The following NLK variants were observed in gnomAD, a reference collection of about 807,000 sequenced individuals.
NLK encodes the protein nemo like kinase, also known as serine/threonine-protein kinase NLK.
Under a neutral mutation model 59.0 loss-of-function variants are expected in NLK, and 11 were observed. The ratio of observed to expected loss-of-function variants is 0.19; its 90% CI spans 0.12 to 0.31. The LOEUF (loss-of-function observed/expected upper bound fraction) is 0.31, where lower values mean the gene tolerates loss of function less well. Ranked by LOEUF, NLK falls within the 10% of genes least tolerant of loss-of-function variation. The pLI is 1.00. For missense variants in NLK, 410 were observed against 661.1 expected (o/e 0.62, Z 4.16); for synonymous variants, 235 against 235.9 (o/e 1.00, Z 0.03).
At chr17:28,095,657 A>G (rs1252322360) in intron 1 of NLK, among the ~76,000 whole-genome samples, 1 of 152,204 alleles carries the variant, frequency 6.6e-6, no homozygotes, top group East Asian at 1.9e-4. Flanking sequence ...TACAATATAT[A>G]TATTTGAAAT....
chr17:28,061,340 A>G (rs1387947668), intron 1 of NLK, among the ~76,000 whole-genome samples: 2 of 152,234 alleles, frequency 1.3e-5, no homozygotes, highest in African/African-American at 4.8e-5. Context: ...GAACGAACCC[A>G]GAGATGATTT....
intron 1 of NLK, among the ~76,000 whole-genome samples, chr17:28,111,375 C>T (rs1181199622): frequency 1.3e-5 from 2 of 150,536 alleles, no homozygotes; most frequent in Non-Finnish European, 3.0e-5. Context: ...TTTTAGTAGA[C>T]ACAGGGTTTC....
At chr17:28,173,050 CA>C (rs1908528212) in intron 7 of NLK, among the ~76,000 whole-genome samples, 1 of 152,202 alleles carries the variant, frequency 6.6e-6, no homozygotes, top group African/African-American at 2.4e-5. Flanking sequence ...AACACAGAAT[CA>C]GATGTGAACG....
At chr17:28,078,248 G>T (rs1910233455) in intron 1 of NLK, among the ~76,000 whole-genome samples, 1 of 151,984 alleles carries the variant, frequency 6.6e-6, no homozygotes, top group African/African-American at 2.4e-5. Context: ...TTAATTATCA[G>T]AAGGTTTCCT....
Position 28,191,226 on chromosome 17 carries a change from A to G in NLK, c.1435+7A>G. ...TCTGTCCGACAGGTTAAAGGTGAGT[A>G]TCTGTTTTGGCCTTTGGCCAGGCAA... On this transcript the variant is annotated splice_region_variant and intron_variant, in intron 9 of 10. Coordinates refer to ENST00000407008, the MANE Select transcript of NLK (RefSeq NM_016231.5). The G allele has an allele frequency of 6.3e-7, 1 of 1,599,050 alleles. No individual in the cohort carries two copies. The highest frequency in any genetic ancestry group is 1.1e-5 in the South Asian group (1 of 88,276).
intron 3 of NLK, among the ~76,000 whole-genome samples, chr17:28,158,981 A>C (rs558741604): frequency 1.3e-5 from 2 of 152,232 alleles, no homozygotes; most frequent in Non-Finnish European, 2.9e-5. Flanking sequence ...ATCATCAACG[A>C]AACATCATTA....
At position 28,156,002 on chromosome 17, in the gene NLK, T is replaced by C. The variant is rs571977413; in HGVS notation, c.645-5158T>C. 9.8e-4 allele frequency among the ~76,000 whole-genome samples: 149 copies of C among 152,324 alleles called. 1 individual carries two copies. Among genetic ancestry groups the C allele is most frequent in the Admixed American group, 2.9e-3 (44 of 15,294 alleles). On this transcript the variant is annotated intron_variant, in intron 3 of 10. Coordinates refer to ENST00000407008, the MANE Select transcript of NLK (RefSeq NM_016231.5). ...CATGCACATTAGTTTCATCAAAATG[T>C]TCTAAATTCACCCAAAGAGGTAGAA...
At chr17:28,186,844 G>C (rs1049266998) in intron 8 of NLK, among the ~76,000 whole-genome samples, 1 of 152,180 alleles carries the variant, frequency 6.6e-6, no homozygotes, top group Admixed American at 6.5e-5. Flanking sequence ...TATGTGAAGT[G>C]CTTAGTGATA....
Position 28,115,594 on chromosome 17 carries a change from T to G in NLK, c.459-7009T>G, listed in dbSNP as rs72850130. 1.8e-3 allele frequency among the ~76,000 whole-genome samples: 268 copies of G among 152,328 alleles called. 1 individual carries two copies. Among genetic ancestry groups the G allele is most frequent in the Admixed American group, 5.1e-3 (78 of 15,306 alleles). ...GTAGAGCAATTTTTCAAAACCGACC[T>G]ATCCTTCTTCAAGTGTTTTAGCTGT... On this transcript the variant is annotated intron_variant, in intron 1 of 10. Coordinates refer to ENST00000407008, the MANE Select transcript of NLK (RefSeq NM_016231.5).
At chr17:28,060,983 G>A (rs539401165) in intron 1 of NLK, among the ~76,000 whole-genome samples, 1 of 152,236 alleles carries the variant, frequency 6.6e-6, no homozygotes, top group East Asian at 1.9e-4. Context: ...GTAGTAGAGT[G>A]GTCATCTTTG....
chr17:28,097,427 A>G (rs1413118294), intron 1 of NLK, among the ~76,000 whole-genome samples: 1 of 152,116 alleles, frequency 6.6e-6, no homozygotes, highest in Non-Finnish European at 1.5e-5. Context: ...TCTGCAGTCA[A>G]ACTTACATAT....
In NLK at chr17:28,191,121, C is replaced by T; in HGVS notation, c.1337C>T (p.Ser446Phe). The T allele has an allele frequency of 6.2e-7, 1 of 1,613,816 alleles. No homozygotes were observed. The highest frequency in any genetic ancestry group is 8.5e-7 in the Non-Finnish European group (1 of 1,179,724). ...TCMCKCCFST[S>F]TGRVYTSDFE... ...ATGTGTAAATGTTGCTTTTCCACCTCCACTGGAAGAGTTTATACCAGTGAC... is the reference window on the plus strand; with the variant it reads ...ATGTGTAAATGTTGCTTTTCCACCTTCACTGGAAGAGTTTATACCAGTGAC... Residue 446 changes from serine to phenylalanine, a missense_variant, in exon 9 of 11, where the codon TCC (serine) becomes TTC (phenylalanine). By Grantham distance (155) the Ser-to-Phe change is radical. Transcript: ENST00000407008.
chr17:28,079,632 G>T (rs368712826), intron 1 of NLK, among the ~76,000 whole-genome samples: 1 of 152,098 alleles, frequency 6.6e-6, no homozygotes, highest in East Asian at 1.9e-4. Flanking sequence ...CTTTTCATAT[G>T]CTTGTTGGCC....
At chr17:28,109,121 A>G (rs1454046725) in intron 1 of NLK, among the ~76,000 whole-genome samples, 1 of 152,162 alleles carries the variant, frequency 6.6e-6, no homozygotes, top group Non-Finnish European at 1.5e-5. Context: ...CAGTGAGCCA[A>G]GATCGCACCA....
At chr17:28,159,923 G>A (rs1409533176) in intron 3 of NLK, among the ~76,000 whole-genome samples, 2 of 152,170 alleles carry the variant, frequency 1.3e-5, no homozygotes. Context: ...GAAACGGGGA[G>A]TAAAGGATAA....
intron 3 of NLK, among the ~76,000 whole-genome samples, chr17:28,158,109 G>A (rs1340598818): frequency 6.6e-6 from 1 of 152,120 alleles, no homozygotes; most frequent in Non-Finnish European, 1.5e-5. Flanking sequence ...AATGGATAGG[G>A]AGTACAGGTT....
chr17:28,152,913 C>CA (rs1907543400), intron 3 of NLK, among the ~76,000 whole-genome samples: 1 of 152,022 alleles, frequency 6.6e-6, no homozygotes, highest in Non-Finnish European at 1.5e-5. Flanking sequence ...CATGAGCCAC[C>CA]ATGCCTGGCC....
intron 1 of NLK, among the ~76,000 whole-genome samples, chr17:28,083,620 C>A (rs1403710358): frequency 6.6e-6 from 1 of 152,082 alleles, no homozygotes; most frequent in Non-Finnish European, 1.5e-5. Context: ...ATTGAGGGTA[C>A]ATTTTATGAT....
intron 1 of NLK, among the ~76,000 whole-genome samples, chr17:28,111,881 T>TGTGTGTGTGTGTGTG (rs1567716968): frequency 7.9e-6 from 1 of 126,986 alleles, no homozygotes; most frequent in Non-Finnish European, 1.7e-5. Flanking sequence ...TGTGTGTGTG[T>TGTGTGTGTGTGTGTG]GTGTGTGTGT....
Sources: allele counts gnomAD v4.1 joint callset (sites outside exome capture counted in the v4.1 genomes callset), GRCh38; gene constraint gnomAD v4.1.1; transcripts MANE v1.5; gene names NCBI Gene and HGNC (gene_info 2026-07-23, HGNC 2026-07-21).